Variants in FBXO10 observed in about 807,000 individuals in gnomAD.
FBXO10 encodes F-box only protein 10.
Under a neutral mutation model 80.7 loss-of-function variants are expected in FBXO10, and 39 were observed. The observed-to-expected ratio is 0.48, with a 90% CI of 0.37 to 0.63. FBXO10 has a LOEUF of 0.63. Ranked by LOEUF, FBXO10 falls within the 30% of genes least tolerant of loss-of-function variation. The pLI, the probability that FBXO10 is intolerant of heterozygous loss-of-function variation, is 0.00. For missense variants in FBXO10, 1,025 were observed against 1,269.0 expected, an observed-to-expected ratio of 0.81 and a Z score of 2.92; for synonymous variants, 449 against 489.6, an observed-to-expected ratio of 0.92 and a Z score of 1.09.
intron 8 of FBXO10, among the ~76,000 whole-genome samples, chr9:37,518,987 A>C (rs7865784): frequency 6.6e-6 from 1 of 151,318 alleles, no homozygotes; most frequent in Non-Finnish European, 1.5e-5. Flanking sequence ...TCGGCTCACT[A>C]CAAGCTCCGC....
At chr9:37,516,861 T>C (rs1450679131) in intron 9 of FBXO10, among the ~76,000 whole-genome samples, 3 of 150,398 alleles carry the variant, frequency 2.0e-5, no homozygotes, top group Non-Finnish European at 4.4e-5. Context: ...CTTGGGAGGC[T>C]GAGGCAGGAG....
At position 37,513,510 on chromosome 9, in the gene FBXO10, A is replaced by G. The variant is rs372652884; in HGVS notation, c.2697-789T>C. ...GAATGAATCTCCAGCATGTTAGGCT[A>G]AGTGAAAGAAGCCAGACTCAAAAGA... On this transcript the variant is annotated intron_variant, in intron 10 of 10. Coordinates refer to ENST00000432825, the MANE Select transcript of FBXO10 (RefSeq NM_012166.3). 7.9e-5 allele frequency among the ~76,000 whole-genome samples: 12 copies of G among 152,324 alleles called. No individual in the cohort carries two copies. In the South Asian group the frequency reaches 2.3e-3, roughly 29 times the overall value.
intron 1 of FBXO10, among the ~76,000 whole-genome samples, chr9:37,546,620 AAG>A (rs1299168366): frequency 6.6e-6 from 1 of 152,240 alleles, no homozygotes; most frequent in East Asian, 1.9e-4. Flanking sequence ...ATAGTTTAAT[AAG>A]AGGGGAGAAG....
intron 9 of FBXO10, among the ~76,000 whole-genome samples, chr9:37,516,795 C>G (rs967317676): frequency 2.0e-5 from 3 of 151,984 alleles, no homozygotes; most frequent in African/African-American, 7.3e-5. Flanking sequence ...CATGGTATCT[C>G]TACTAAAAAT....
chr9:37,528,579 T>C (rs10973397), intron 5 of FBXO10, among the ~76,000 whole-genome samples: 33,503 of 152,096 alleles, frequency 0.22, 6,026 homozygotes, highest in African/African-American at 0.5. Context: ...CACATCCTCC[T>C]AGTCAGAATG....
chr9:37,563,117 T>C (rs1472403530), intron 1 of FBXO10, among the ~76,000 whole-genome samples: 1 of 152,192 alleles, frequency 6.6e-6, no homozygotes, highest in Non-Finnish European at 1.5e-5. Context: ...CAAGATCTGA[T>C]GGTTTTATAA....
chr9:37,536,665 G>T (rs540116783), intron 3 of FBXO10, among the ~76,000 whole-genome samples: 4 of 152,114 alleles, frequency 2.6e-5, no homozygotes, highest in African/African-American at 9.6e-5. Flanking sequence ...TTCTTATCAC[G>T]TGTCCAATTT....
At chr9:37,559,384 AAAGACC>A (rs1430100700) in intron 1 of FBXO10, among the ~76,000 whole-genome samples, 1 of 152,176 alleles carries the variant, frequency 6.6e-6, no homozygotes, top group African/African-American at 2.4e-5. Context: ...TGTATCATGC[AAAGACC>A]AATCATTTCA....
intron 1 of FBXO10, among the ~76,000 whole-genome samples, chr9:37,547,280 T>G (rs566916163): frequency 1.3e-5 from 2 of 152,098 alleles, no homozygotes; most frequent in Non-Finnish European, 2.9e-5. Flanking sequence ...GACAAGAACA[T>G]GTATGAACCT....
intron 1 of FBXO10, among the ~76,000 whole-genome samples, chr9:37,549,925 T>G (rs1822149054): frequency 6.6e-6 from 1 of 152,200 alleles, no homozygotes; most frequent in Non-Finnish European, 1.5e-5. Context: ...ATCCAGCAAT[T>G]CACTGGTGGT....
intron 1 of FBXO10, among the ~76,000 whole-genome samples, chr9:37,573,336 G>C (rs537244868): frequency 1.3e-5 from 2 of 152,230 alleles, no homozygotes; most frequent in South Asian, 4.1e-4. Flanking sequence ...CTGGTGAAAA[G>C]CTCAACAAAA....
At chr9:37,572,901 A>C (rs1282263062) in intron 1 of FBXO10, among the ~76,000 whole-genome samples, 1 of 152,274 alleles carries the variant, frequency 6.6e-6, no homozygotes, top group Non-Finnish European at 1.5e-5. Flanking sequence ...AGAAAAATTG[A>C]GAAAACTAAA....
At chr9:37,534,232 A>G (rs1490834005) in intron 3 of FBXO10, among the ~76,000 whole-genome samples, 1 of 152,212 alleles carries the variant, frequency 6.6e-6, no homozygotes, top group Non-Finnish European at 1.5e-5. Flanking sequence ...TGTGAAGACT[A>G]AAGTAGAACA....
intron 1 of FBXO10, among the ~76,000 whole-genome samples, chr9:37,548,896 C>A (rs1822123078): frequency 6.6e-6 from 1 of 152,082 alleles, no homozygotes; most frequent in South Asian, 2.1e-4. Flanking sequence ...CTACAGGCGC[C>A]CGCCACCACG....
intron 1 of FBXO10, among the ~76,000 whole-genome samples, chr9:37,567,124 C>T (rs1236132630): frequency 6.6e-6 from 1 of 151,186 alleles, no homozygotes; most frequent in Non-Finnish European, 1.5e-5. Flanking sequence ...GTGCTTTTTA[C>T]ATGTCTTTTT....
In FBXO10 at chr9:37,574,341, C is replaced by A. The variant is rs77747293; in HGVS notation, c.-7+1870G>T. On this transcript the variant is annotated intron_variant, in intron 1 of 10. Coordinates refer to ENST00000432825, the MANE Select transcript of FBXO10 (RefSeq NM_012166.3). ...ACTGCAACTGAAAGAAACCAGAGAA[C>A]GGAAACTCATGGTGACCTGGTGACT... is the stretch of plus-strand genomic sequence containing the variant. Among the ~76,000 whole-genome samples the A allele has an allele frequency of 5.5e-3, 836 of 152,308 alleles. 5 individuals are homozygous for A. The highest frequency in any genetic ancestry group is 9.3e-3 in the Non-Finnish European group (633 of 68,028).
chr9:37,570,316 G>GA (rs58075609), intron 1 of FBXO10, among the ~76,000 whole-genome samples: 4,048 of 145,806 alleles, frequency 0.028, 192 homozygotes, highest in African/African-American at 0.095. Flanking sequence ...GTCTGTCTCG[G>GA]AAAAAAAAAA....
At chr9:37,570,892 G>A (rs1822734250) in intron 1 of FBXO10, among the ~76,000 whole-genome samples, 1 of 151,914 alleles carries the variant, frequency 6.6e-6, no homozygotes, top group Non-Finnish European at 1.5e-5. Flanking sequence ...TACTCAGGAG[G>A]CTGAGGCAGG....
intron 7 of FBXO10, chr9:37,522,320 T>C (rs1215776495): frequency 3.0e-6 from 3 of 993,764 alleles, no homozygotes; most frequent in African/African-American, 3.5e-5. Flanking sequence ...AATGTGATCA[T>C]GCATAGAAAG....
Sources: gnomAD v4.1 joint callset for allele counts (sites outside exome capture counted in the v4.1 genomes callset) on GRCh38, gnomAD v4.1.1 for gene constraint, MANE v1.5 for transcripts, NCBI Gene and HGNC (gene_info 2026-07-23, HGNC 2026-07-21) for gene names.